Variants in MLXIP observed in about 807,000 individuals in gnomAD.
MLXIP encodes the protein MLX-interacting protein.
Under a neutral mutation model 87.2 loss-of-function variants are expected in MLXIP, and 30 were observed. The observed-to-expected ratio is 0.34, with a 90% CI of 0.26 to 0.47. The LOEUF is 0.47. Among genes scored for constraint, MLXIP ranks in the 20% least tolerant of loss-of-function variants. The pLI is 1.00. For synonymous variants in MLXIP, 530 were observed against 514.0 expected (o/e 1.03, Z -0.42); for missense variants, 1,002 against 1,240.1 (o/e 0.81, Z 2.88).
chr12:122,120,101 T>C lies in MLXIP; in HGVS notation c.414-7155T>C, dbSNP rs1593095006. On this transcript the variant is annotated intron_variant, in intron 1 of 16. Transcript: ENST00000319080. ...GGATAAACAGAATGTGGTCCATCTATACATGGAATATGATTCTGCCTTGAA... is the reference window on the plus strand; with the variant it reads ...GGATAAACAGAATGTGGTCCATCTACACATGGAATATGATTCTGCCTTGAA... 2.0e-5 allele frequency among the ~76,000 whole-genome samples: 3 copies of C among 152,370 alleles called. No homozygotes were observed. In the South Asian group the frequency reaches 6.2e-4, roughly 32 times the overall value.
At position 122,142,305 on chromosome 12, in the gene MLXIP, C is replaced by T. The variant is rs1422754441; in HGVS notation, c.*493C>T. 1 of 663,836 alleles carries T rather than the reference C, an allele frequency of 1.5e-6. No individual in the cohort carries two copies. The highest frequency in any genetic ancestry group is 1.8e-5 in the African/African-American group (1 of 56,542). 41.1% of individuals were successfully genotyped at this position (663,836 alleles called of 1,614,324 possible). ...GGGCAGTTGGAAGGCGTCTTTCTTT[C>T]TCCCCTCAACTCTGACAGCACCCAG... On this transcript the variant is annotated 3_prime_UTR_variant, in exon 17 of 17. Coordinates refer to ENST00000319080, the MANE Select transcript of MLXIP (RefSeq NM_014938.6).
In MLXIP at chr12:122,088,135, A is replaced by G. The variant is rs567955473; in HGVS notation, c.413+8869A>G. On this transcript the variant is annotated intron_variant, in intron 1 of 16. Coordinates refer to ENST00000319080, the MANE Select transcript of MLXIP (RefSeq NM_014938.6). ...AGTGTGGTGGACATCACAGCCGCCTACTTTGCCCTACCCAGGTGCCCTAGG... is the reference window on the plus strand; with the variant it reads ...AGTGTGGTGGACATCACAGCCGCCTGCTTTGCCCTACCCAGGTGCCCTAGG... Among the ~76,000 whole-genome samples the G allele has an allele frequency of 2.0e-5, 3 of 152,224 alleles. No individual in the cohort carries two copies. The East Asian group carries it at 5.8e-4, about 29-fold the overall frequency.
At chr12:122,093,994 T>C (rs1280515281) in intron 1 of MLXIP, among the ~76,000 whole-genome samples, 3 of 140,210 alleles carry the variant, frequency 2.1e-5, no homozygotes, top group African/African-American at 8.3e-5. Context: ...GTGTTTGCGG[T>C]GTCTGGTGTG....
intron 1 of MLXIP, among the ~76,000 whole-genome samples, chr12:122,092,334 A>G (rs1428542136): frequency 6.6e-6 from 1 of 152,112 alleles, no homozygotes; most frequent in African/African-American, 2.4e-5. Flanking sequence ...CCCAAGCTCT[A>G]GCAACTCATC....
At chr12:122,097,844 G>A (rs1176136439) in intron 1 of MLXIP, among the ~76,000 whole-genome samples, 4 of 119,074 alleles carry the variant, frequency 3.4e-5, no homozygotes, top group Non-Finnish European at 5.4e-5. Context: ...GAATCCATGG[G>A]TTCCCCCTCC....
chr12:122,105,682 G>T (rs975735627), intron 1 of MLXIP, among the ~76,000 whole-genome samples: 1 of 151,430 alleles, frequency 6.6e-6, no homozygotes, highest in African/African-American at 2.4e-5. Flanking sequence ...TACAAAAGAG[G>T]TATCTCTCAA....
chr12:122,104,648 T>C (rs1328124779), intron 1 of MLXIP, among the ~76,000 whole-genome samples: 1 of 149,572 alleles, frequency 6.7e-6, no homozygotes, highest in East Asian at 2.0e-4. Flanking sequence ...GGTGCGATCT[T>C]GGCTCACTGC....
At position 122,142,238 on chromosome 12, in the gene MLXIP, G is replaced by T. The variant is rs1056728943; in HGVS notation, c.*426G>T. The T allele has an allele frequency of 4.3e-6, 3 of 699,484 alleles. No individual in the cohort carries two copies. Among genetic ancestry groups the T allele is most frequent in the Non-Finnish European group, 7.8e-6 (3 of 383,594 alleles). 43.3% of individuals were successfully genotyped at this position (699,484 alleles called of 1,614,324 possible). A position where few individuals can be genotyped will look rare whatever the true frequency, so the allele number is the denominator to read the frequency against. On this transcript the variant is annotated 3_prime_UTR_variant, in exon 17 of 17. Coordinates refer to ENST00000319080, the MANE Select transcript of MLXIP (RefSeq NM_014938.6). ...CCTGCCACGTCCTGTCCACATGCAT[G>T]CCTCTGCCTGATGCCCTGCTCCACT...
chr12:122,107,902 G>A (rs952438348), intron 1 of MLXIP, among the ~76,000 whole-genome samples: 1 of 152,126 alleles, frequency 6.6e-6, no homozygotes, highest in Admixed American at 6.6e-5. Context: ...ATTGGAAGGT[G>A]GGGGGTTGCG....
At position 122,078,980 on chromosome 12, in the gene MLXIP, G is replaced by C; in HGVS notation, c.127G>C (p.Ala43Pro). 9.2e-7 allele frequency: 1 copy of C among 1,086,350 alleles called. No homozygotes were observed. Among genetic ancestry groups the C allele is most frequent in the Non-Finnish European group, 1.1e-6 (1 of 892,408 alleles). 67.3% of individuals were successfully genotyped at this position (1,086,350 alleles called of 1,614,324 possible). A position where few individuals can be genotyped will look rare whatever the true frequency, so the allele number is the denominator to read the frequency against. Residue 43 changes from alanine to proline, a missense_variant, in exon 1 of 17, where the codon GCC (alanine) becomes CCC (proline). Physicochemically the swap from Ala to Pro is conservative, Grantham distance 27 (BLOSUM62 -1). Transcript: ENST00000319080. ...SDTDEPSPPP[A>P]SGAATPARAH... ...CACGGATGAGCCGTCCCCGCCGCCC[G>C]CCTCCGGCGCGGCCACCCCGGCCCG...
At chr12:122,085,647 C>CAAGTGAGAAA (rs1952157947) in intron 1 of MLXIP, among the ~76,000 whole-genome samples, 1 of 152,110 alleles carries the variant, frequency 6.6e-6, no homozygotes, top group Admixed American at 6.6e-5. Flanking sequence ...TTTCTTTTCT[C>CAAGTGAGAAA]ACTTGCAAGC....
At chr12:122,097,358 C>T (rs906582807) in intron 1 of MLXIP, among the ~76,000 whole-genome samples, 6 of 152,104 alleles carry the variant, frequency 3.9e-5, no homozygotes, top group Non-Finnish European at 7.3e-5. Context: ...TGGTGGCTCA[C>T]GCCTGTAATC....
At chr12:122,139,126 G>A (rs1953151027) in intron 15 of MLXIP, 188 bp downstream of exon 15, 1 of 425,806 alleles carries the variant, frequency 2.3e-6, no homozygotes, top group Non-Finnish European at 3.1e-6. Flanking sequence ...GGCTGGAGGT[G>A]CTGATGGGGC....
chr12:122,090,366 A>G (rs1413001174), intron 1 of MLXIP, among the ~76,000 whole-genome samples: 2 of 152,076 alleles, frequency 1.3e-5, no homozygotes, highest in Non-Finnish European at 2.9e-5. Context: ...GTGTGGTGGC[A>G]CATGCCTGTA....
intron 1 of MLXIP, among the ~76,000 whole-genome samples, chr12:122,091,285 G>A (rs1177158550): frequency 1.3e-5 from 2 of 152,208 alleles, no homozygotes; most frequent in African/African-American, 4.8e-5. Flanking sequence ...AGTAAGTGGA[G>A]GAGTGTTTGG....
At chr12:122,132,997 C>T (rs964859045) in intron 8 of MLXIP, 4 of 231,698 alleles carry the variant, frequency 1.7e-5, no homozygotes, top group East Asian at 8.8e-5. Context: ...CGGGGATTCC[C>T]GAGCAGCTGC....
intron 1 of MLXIP, among the ~76,000 whole-genome samples, chr12:122,092,009 G>A (rs1474680274): frequency 6.6e-6 from 1 of 152,194 alleles, no homozygotes; most frequent in Non-Finnish European, 1.5e-5. Flanking sequence ...GATGAAGGCG[G>A]TGTGCTGTTT....
intron 1 of MLXIP, 39 bp downstream of exon 1, chr12:122,079,305 GC>G: frequency 6.5e-7 from 1 of 1,531,792 alleles, no homozygotes. Flanking sequence ...CCGGCCGGAG[GC>G]CCTTGTTTGA....
intron 1 of MLXIP, among the ~76,000 whole-genome samples, chr12:122,113,112 A>C (rs1952629764): frequency 6.6e-6 from 1 of 152,236 alleles, no homozygotes; most frequent in Admixed American, 6.5e-5. Flanking sequence ...AAATGTGTAC[A>C]GTGAAATATT....
Sources: gnomAD v4.1 joint callset for allele counts (sites outside exome capture counted in the v4.1 genomes callset) on GRCh38, gnomAD v4.1.1 for gene constraint, MANE v1.5 for transcripts, NCBI Gene and HGNC (gene_info 2026-07-23, HGNC 2026-07-21) for gene names.